EXOC2: variants seen among roughly 807,000 people sequenced by gnomAD.
EXOC2 encodes the protein SEC5-like 1.
In EXOC2, 70 loss-of-function variants were observed where a neutral mutation model predicts 131.8. The ratio of observed to expected loss-of-function variants is 0.53; its 90% CI spans 0.44 to 0.65. The LOEUF is 0.65. Ranked by LOEUF, EXOC2 falls within the 30% of genes least tolerant of loss-of-function variation. The pLI is 0.00. For missense variants in EXOC2, 923 were observed against 1,108.6 expected (o/e 0.83, Z 2.38); for synonymous variants, 411 against 398.4 (o/e 1.03, Z -0.38).
intron 23 of EXOC2, among the ~76,000 whole-genome samples, chr6:510,789 C>T (rs989598880): frequency 1.3e-5 from 2 of 152,164 alleles, no homozygotes; most frequent in Admixed American, 1.3e-4. Flanking sequence ...TTAATATAAA[C>T]AGACAAACCA....
At chr6:598,737 A>C (rs1003108845) in intron 9 of EXOC2, 123 bp downstream of exon 9, 1 of 721,206 alleles carries the variant, frequency 1.4e-6, no homozygotes, top group South Asian at 2.0e-5. Context: ...ATTGCTTTAC[A>C]TTGTAAAGAG....
At chr6:616,065 C>A (rs574912270) in intron 6 of EXOC2, among the ~76,000 whole-genome samples, 1 of 152,302 alleles carries the variant, frequency 6.6e-6, no homozygotes, top group East Asian at 1.9e-4. Context: ...AAACAACTTA[C>A]CCGAGCAACT....
chr6:674,590 T>G (rs1764023596), intron 1 of EXOC2, among the ~76,000 whole-genome samples: 2 of 152,114 alleles, frequency 1.3e-5, no homozygotes, highest in Non-Finnish European at 2.9e-5. Context: ...CATACTCTTT[T>G]CTAGGTCAAA....
intron 2 of EXOC2, among the ~76,000 whole-genome samples, chr6:637,338 C>T (rs1165421128): frequency 6.6e-6 from 1 of 152,122 alleles, no homozygotes; most frequent in Non-Finnish European, 1.5e-5. Context: ...GTGTAATTCA[C>T]ACAGCCCCTG....
At chr6:663,045 T>C (rs545510232) in intron 1 of EXOC2, among the ~76,000 whole-genome samples, 1 of 149,700 alleles carries the variant, frequency 6.7e-6, no homozygotes, top group South Asian at 2.1e-4. Context: ...TGACAGACCA[T>C]GAGCACGATT....
intron 25 of EXOC2, among the ~76,000 whole-genome samples, chr6:493,961 A>G (rs1561775277): frequency 6.6e-6 from 1 of 152,180 alleles, no homozygotes; most frequent in Non-Finnish European, 1.5e-5. Context: ...TACGGAGGTA[A>G]TGTGTAGAGA....
intron 6 of EXOC2, among the ~76,000 whole-genome samples, chr6:616,208 A>G (rs1760989490): frequency 6.6e-6 from 1 of 152,236 alleles, no homozygotes; most frequent in South Asian, 2.1e-4. Flanking sequence ...AAGCACAAAT[A>G]AAGAATGGCA....
rs1440619163 is a variant in EXOC2, at chr6:598,812, T to C, written c.970+48A>G. 3 of 1,456,106 alleles carry C rather than the reference T, an allele frequency of 2.1e-6. No individual in the cohort carries two copies. The African/African-American group carries it at 4.3e-5, about 21-fold the overall frequency. 90.2% of individuals were successfully genotyped at this position (1,456,106 alleles called of 1,614,324 possible). A position where few individuals can be genotyped will look rare whatever the true frequency, so the allele number is the denominator to read the frequency against. On this transcript the variant is annotated intron_variant, in intron 9 of 27. Coordinates refer to ENST00000230449, the MANE Select transcript of EXOC2 (RefSeq NM_018303.6). ...CTTTGCAGAACACATTCCACATTCT[T>C]CCTATAAAAGGAAAGGAGAAGATCT...
In EXOC2 at chr6:681,572, T is replaced by C. The variant is rs1764404847; in HGVS notation, c.-44+11447A>G. On this transcript the variant is annotated intron_variant, in intron 1 of 27. Coordinates refer to ENST00000230449, the MANE Select transcript of EXOC2 (RefSeq NM_018303.6). ...TAATGAAAGTTACCAGAGAAACTTG[T>C]TTTTCAACTATCCTTTAGTCCTATA... Among the ~76,000 whole-genome samples the C allele has an allele frequency of 2.0e-5, 3 of 152,186 alleles. No homozygotes were observed. The South Asian group carries it at 6.2e-4, about 31-fold the overall frequency.
chr6:656,068 G>C, intron 1 of EXOC2: 1 of 1,471,386 alleles, frequency 6.8e-7, no homozygotes. Flanking sequence ...GTTTTGAAAA[G>C]ATCAAAACCT....
At chr6:679,225 A>G (rs909004056) in intron 1 of EXOC2, 2 of 152,202 alleles carry the variant, frequency 1.3e-5, no homozygotes, top group Non-Finnish European at 2.9e-5. Context: ...GTCAAAATAC[A>G]AATAACTTTA....
At chr6:655,834 C>T (rs561025285) in intron 1 of EXOC2, 3 of 300,124 alleles carry the variant, frequency 1.0e-5, no homozygotes, top group Non-Finnish European at 1.9e-5. Context: ...TCATTACAAC[C>T]CTGTTTTTCC....
Position 486,569 on chromosome 6 carries a change from G to C in EXOC2, c.*102C>G, listed in dbSNP as rs188206582. 4.4e-3 allele frequency: 4,623 copies of C among 1,058,922 alleles called. 13 individuals carry two copies. Among genetic ancestry groups the C allele is most frequent in the Non-Finnish European group, 4.7e-3 (3,358 of 722,120 alleles). 65.6% of individuals were successfully genotyped at this position (1,058,922 alleles called of 1,614,324 possible). The stretch of plus-strand genomic sequence containing the variant: ...TCAGAGGAAGAAAAAAGAGAAAAAT[G>C]GCAAACCCAATGTTTAATACACCAA... On this transcript the variant is annotated 3_prime_UTR_variant, in exon 28 of 28. Transcript: ENST00000230449.
chr6:593,964 T>C lies in EXOC2; in HGVS notation c.1074-1377A>G, dbSNP rs6915126. Among the ~76,000 whole-genome samples, 994 of 152,296 alleles carry C rather than the reference T, an allele frequency of 6.5e-3. 7 individuals are homozygous for C. The highest frequency in any genetic ancestry group is 0.023 in the African/African-American group (939 of 41,560). ...GCTGATGGGGAGGGACTGGGTGCTGTGGGGAGCCGGATATCCAGGCATCTG... is the reference window on the plus strand; with the variant it reads ...GCTGATGGGGAGGGACTGGGTGCTGCGGGGAGCCGGATATCCAGGCATCTG... On this transcript the variant is annotated intron_variant, in intron 10 of 27. Coordinates refer to ENST00000230449, the MANE Select transcript of EXOC2 (RefSeq NM_018303.6).
At chr6:599,946 A>G (rs1760039378) in intron 7 of EXOC2, among the ~76,000 whole-genome samples, 1 of 152,194 alleles carries the variant, frequency 6.6e-6, no homozygotes, top group Non-Finnish European at 1.5e-5. Flanking sequence ...CTGTGTACAA[A>G]AACAGTTTAA....
chr6:562,758 A>G (rs774963562), intron 17 of EXOC2, 26 bp downstream of exon 17: 6 of 1,508,268 alleles, frequency 4.0e-6, no homozygotes, highest in Non-Finnish European at 5.4e-6. Context: ...ACTAATGACT[A>G]ATAATTGAAA....
intron 11 of EXOC2, among the ~76,000 whole-genome samples, chr6:577,466 C>A (rs1202372091): frequency 6.6e-6 from 1 of 152,192 alleles, no homozygotes; most frequent in Non-Finnish European, 1.5e-5. Flanking sequence ...TCTGAGAAGT[C>A]TTCCAGAAAA....
intron 22 of EXOC2, among the ~76,000 whole-genome samples, chr6:540,785 A>C (rs555068311): frequency 6.6e-6 from 1 of 152,356 alleles, no homozygotes; most frequent in Non-Finnish European, 1.5e-5. Flanking sequence ...TCCAGAATTG[A>C]TTAAAGACAT....
chr6:490,006 G>A (rs1051951991), intron 26 of EXOC2, among the ~76,000 whole-genome samples: 5 of 152,270 alleles, frequency 3.3e-5, no homozygotes, highest in South Asian at 4.1e-4. Context: ...CACATTCAGC[G>A]GCCTCTTTCC....
Sources: allele counts gnomAD v4.1 joint callset (sites outside exome capture counted in the v4.1 genomes callset), GRCh38; gene constraint gnomAD v4.1.1; transcripts MANE v1.5; gene names NCBI Gene and HGNC (gene_info 2026-07-23, HGNC 2026-07-21).